Variants in SFMBT2 observed in about 807,000 individuals in gnomAD.
The protein encoded by SFMBT2 is Scm like with four mbt domains 2, also known as scm-like with four MBT domains protein 2.
SFMBT2 carries 38 observed loss-of-function variants against 110.1 expected under a neutral mutation model. The ratio of observed to expected loss-of-function variants is 0.35; its 90% CI spans 0.27 to 0.45. SFMBT2 has a LOEUF of 0.45. Among genes scored for constraint, SFMBT2 ranks in the 20% least tolerant of loss-of-function variants. The pLI, the probability that SFMBT2 is intolerant of heterozygous loss-of-function variation, is 1.00. For synonymous variants in SFMBT2, 425 were observed against 425.4 expected (o/e 1.00, Z 0.01); for missense variants, 1,011 against 1,094.9 (o/e 0.92, Z 1.08).
Position 7,269,703 on chromosome 10 carries a change from AGTAAGTGTGTGCGTGT to A in SFMBT2, c.870+7173_870+7188del, listed in dbSNP as rs1166707082. 8.7e-3 allele frequency among the ~76,000 whole-genome samples: 1,186 copies of A among 136,552 alleles called. 12 individuals carry two copies. Among genetic ancestry groups the A allele is most frequent in the Admixed American group, 0.015 (194 of 12,874 alleles). The allele number at this position is 136,552 out of a possible 152,430, so 89.6% of individuals were successfully genotyped here. A position where few individuals can be genotyped will look rare whatever the true frequency, so the allele number is the denominator to read the frequency against. Reference sequence around the variant, plus strand: ...ACAGTGATAACAGAGAAAAAAAGCAAGTAAGTGTGTGCGTGTGTGTGTGTGTGTGTGTGTGTGTGTG... The same window carrying A: ...ACAGTGATAACAGAGAAAAAAAGCAAGTGTGTGTGTGTGTGTGTGTGTGTG... On this transcript the variant is annotated intron_variant, in intron 7 of 20. Coordinates refer to ENST00000397167, the MANE Select transcript of SFMBT2 (RefSeq NM_001387889.1).
At chr10:7,249,561 T>C (rs140280904) in intron 7 of SFMBT2, 216 of 985,296 alleles carry the variant, frequency 2.2e-4, no homozygotes, top group Non-Finnish European at 2.4e-4. Context: ...GGGTGTGAAG[T>C]ACAAAAATAT....
chr10:7,356,446 C>T (rs912544213), intron 4 of SFMBT2, among the ~76,000 whole-genome samples: 2 of 152,148 alleles, frequency 1.3e-5, no homozygotes, highest in African/African-American at 4.8e-5. Flanking sequence ...GATGGAGTCT[C>T]GCTCCCTCAC....
At chr10:7,222,326 GTAAACGTAAGTA>G (rs1325819721) in intron 10 of SFMBT2, among the ~76,000 whole-genome samples, 1 of 152,182 alleles carries the variant, frequency 6.6e-6, no homozygotes, top group Non-Finnish European at 1.5e-5. Flanking sequence ...AACTTTTCAT[GTAAACGTAAGTA>G]TATTAATCTG....
At chr10:7,209,816 A>G (rs954040594) in intron 11 of SFMBT2, among the ~76,000 whole-genome samples, 6 of 152,250 alleles carry the variant, frequency 3.9e-5, no homozygotes, top group Admixed American at 1.3e-4. Context: ...AACCTTTATG[A>G]CTTTTTGGCC....
At chr10:7,186,822 G>A (rs957776896) in intron 16 of SFMBT2, among the ~76,000 whole-genome samples, 6 of 152,220 alleles carry the variant, frequency 3.9e-5, no homozygotes, top group Non-Finnish European at 8.8e-5. Context: ...GAGCAGGAGA[G>A]CTCCCGCTGA....
At chr10:7,168,812 A>C (rs895375813) in intron 20 of SFMBT2, among the ~76,000 whole-genome samples, 1 of 152,086 alleles carries the variant, frequency 6.6e-6, no homozygotes, top group Admixed American at 6.5e-5. Flanking sequence ...TTTGTGTGTT[A>C]TTTAAAGGGA....
chr10:7,199,667 C>T (rs1838891342), intron 14 of SFMBT2, among the ~76,000 whole-genome samples: 1 of 152,178 alleles, frequency 6.6e-6, no homozygotes, highest in South Asian at 2.1e-4. Context: ...GGTAGGATTA[C>T]TCTGCCTTTC....
chr10:7,220,525 G>C lies in SFMBT2; in HGVS notation c.1216C>G (p.Arg406Gly), dbSNP rs767320428. The change falls in exon 11 of 21, where the codon CGA (arginine) becomes GGA (glycine). Residue 406 changes from arginine to glycine, a missense_variant. By Grantham distance (125) the Arg-to-Gly change is moderately radical (BLOSUM62 -2). Around this residue, in one of 2 missense-constraint regions of SFMBT2, gnomAD observed 979 missense variants for 1,016.1 expected, o/e 0.96. Transcript: ENST00000397167. Reference sequence around the variant, plus strand: ...AGTTTCATGTTCTTTGTGAAACCTCGACTGAATGATGTCTGCAAGAGAAAC... The same window carrying C: ...AGTTTCATGTTCTTTGTGAAACCTCCACTGAATGATGTCTGCAAGAGAAAC... ...PFCFRNTSFS[R>G]GFTKNMKLEA... 4 of 1,614,078 alleles carry C rather than the reference G, an allele frequency of 2.5e-6. No individual in the cohort carries two copies. Among genetic ancestry groups the C allele is most frequent in the East Asian group, 2.2e-5 (1 of 44,880 alleles).
At chr10:7,284,359 C>A in intron 5 of SFMBT2, 3 of 1,305,470 alleles carry the variant, frequency 2.3e-6, no homozygotes, top group Non-Finnish European at 2.9e-6. Context: ...CATTCCGTAT[C>A]CAACAACAAA....
chr10:7,182,856 T>C (rs1013773639), intron 16 of SFMBT2, among the ~76,000 whole-genome samples: 1 of 151,060 alleles, frequency 6.6e-6, no homozygotes, highest in Admixed American at 6.6e-5. Flanking sequence ...CCCTAGAACT[T>C]AAAGTATAAT....
At chr10:7,336,165 T>C (rs1239394074) in intron 4 of SFMBT2, among the ~76,000 whole-genome samples, 1 of 152,246 alleles carries the variant, frequency 6.6e-6, no homozygotes, top group Admixed American at 6.5e-5. Context: ...AATATGTTAA[T>C]TGAGTCATAA....
chr10:7,206,967 T>C, intron 11 of SFMBT2: 1 of 983,332 alleles, frequency 1.0e-6, no homozygotes, highest in Non-Finnish European at 1.2e-6. Flanking sequence ...GGCTCATGAC[T>C]GTAATCCCAG....
intron 6 of SFMBT2, among the ~76,000 whole-genome samples, chr10:7,277,793 C>G (rs1242879285): frequency 6.6e-6 from 1 of 152,152 alleles, no homozygotes; most frequent in African/African-American, 2.4e-5. Flanking sequence ...ATATATCAAC[C>G]CAGGCTACTT....
chr10:7,283,594 C>T (rs1842007577), intron 6 of SFMBT2, among the ~76,000 whole-genome samples: 1 of 152,148 alleles, frequency 6.6e-6, no homozygotes, highest in Non-Finnish European at 1.5e-5. Flanking sequence ...ATCAAAATTC[C>T]TAAAGAAAAA....
chr10:7,186,459 C>CACACACACATATATAT (rs748644225), intron 16 of SFMBT2, among the ~76,000 whole-genome samples: 1 of 126,896 alleles, frequency 7.9e-6, no homozygotes, highest in African/African-American at 3.2e-5. Context: ...CACACACACA[C>CACACACACATATATAT]ATATATATAT....
Position 7,384,204 on chromosome 10 carries a change from T to G in SFMBT2, c.-51-2255A>C, listed in dbSNP as rs570878125. On this transcript the variant is annotated intron_variant, in intron 1 of 20. Transcript: ENST00000397167. The stretch of plus-strand genomic sequence containing the variant: ...CCAGCCTAGGCAACAAGAGCAAAAC[T>G]CCATCTCAAAAAAAAAAAAAAAAAA... Among the ~76,000 whole-genome samples, 3 of 51,132 alleles carry G rather than the reference T, an allele frequency of 5.9e-5. No individual in the cohort carries two copies. In the South Asian group the frequency reaches 2.4e-3, roughly 42 times the overall value. The allele number at this position is 51,132 out of a possible 152,430, so 33.5% of individuals were successfully genotyped here. A position where few individuals can be genotyped will look rare whatever the true frequency, so the allele number is the denominator to read the frequency against.
intron 4 of SFMBT2, among the ~76,000 whole-genome samples, chr10:7,334,671 G>A (rs537978707): frequency 6.6e-6 from 1 of 152,238 alleles, no homozygotes; most frequent in South Asian, 2.1e-4. Flanking sequence ...AAGGATTTCC[G>A]TGGCTCTTGA....
intron 4 of SFMBT2, among the ~76,000 whole-genome samples, chr10:7,313,040 C>A (rs958912785): frequency 6.6e-6 from 1 of 152,086 alleles, no homozygotes; most frequent in Non-Finnish European, 1.5e-5. Context: ...TGACCTGCAG[C>A]CAGTATTCCC....
At chr10:7,348,078 C>G in intron 4 of SFMBT2, 1 of 405,388 alleles carries the variant, frequency 2.5e-6, no homozygotes, top group South Asian at 9.2e-5. Flanking sequence ...ACAGTACACC[C>G]GGCATATAAA....
Sources: allele counts gnomAD v4.1 joint callset (sites outside exome capture counted in the v4.1 genomes callset), GRCh38; gene constraint gnomAD v4.1.1; regional missense constraint gnomAD v4.1.1; transcripts MANE v1.5; gene names NCBI Gene and HGNC (gene_info 2026-07-23, HGNC 2026-07-21).